Variants in LIAT1 observed in about 807,000 individuals in gnomAD.
LIAT1 encodes the protein protein LIAT1.
At chr17:413,320 A>T in the LIAT1 span, 30 of 1,614,114 alleles carry the variant, frequency 1.9e-5, no homozygotes, top group African/African-American at 2.7e-5. Flanking sequence ...TTGCCGAAAT[A>T]GAGAACCTTG....
chr17:413,930 A>G, the LIAT1 span: 3 of 1,613,562 alleles, frequency 1.9e-6, no homozygotes, highest in Admixed American at 1.7e-5. Flanking sequence ...CGAGGCCCTC[A>G]AGGGCTTCCA....
the LIAT1 span, chr17:410,655 A>G: frequency 5.2e-6 from 8 of 1,537,998 alleles, no homozygotes; most frequent in Non-Finnish European, 7.0e-6. Context: ...CGGTAAGAGG[A>G]GCAGCTAGCC....
chr17:411,295 G>A, the LIAT1 span, among the ~76,000 whole-genome samples: 31 of 152,154 alleles, frequency 2.0e-4, no homozygotes, highest in African/African-American at 7.2e-4. Context: ...CTTCATATCA[G>A]TGTAACACCC....
At chr17:411,303 C>G in the LIAT1 span, among the ~76,000 whole-genome samples, 1 of 152,246 alleles carries the variant, frequency 6.6e-6, no homozygotes, top group African/African-American at 2.4e-5. Context: ...CAGTGTAACA[C>G]CCACAGTGAA....
the LIAT1 span, among the ~76,000 whole-genome samples, chr17:412,536 T>C: frequency 6.6e-6 from 1 of 152,148 alleles, no homozygotes; most frequent in East Asian, 1.9e-4. Context: ...TGTAGCATTT[T>C]ATGTGCATGT....
chr17:413,723 G>C, the LIAT1 span: 1 of 1,588,712 alleles, frequency 6.3e-7, no homozygotes, highest in South Asian at 1.1e-5. Flanking sequence ...GGCCCTCAAG[G>C]GCTTCCACCC....
At chr17:412,596 C>T in the LIAT1 span, among the ~76,000 whole-genome samples, 6 of 152,168 alleles carry the variant, frequency 3.9e-5, no homozygotes, top group Admixed American at 2.6e-4. Flanking sequence ...TCAGTACAAG[C>T]CATACAGCAG....
At chr17:413,278 T>C in the LIAT1 span, 1 of 1,614,198 alleles carries the variant, frequency 6.2e-7, no homozygotes, top group Non-Finnish European at 8.5e-7. Flanking sequence ...AGCACCTCCC[T>C]TCTGACTCCT....
chr17:413,255 A>G, the LIAT1 span: 1 of 1,614,234 alleles, frequency 6.2e-7, no homozygotes, highest in Non-Finnish European at 8.5e-7. Context: ...CAGACAGAGC[A>G]AAGTGGAAAA....
At chr17:414,527 C>A in the LIAT1 span, 1 of 174,688 alleles carries the variant, frequency 5.7e-6, no homozygotes, top group Non-Finnish European at 1.2e-5. The surrounding 1 kb of genome is among the most constrained non-coding windows in gnomAD (Gnocchi z 4.1). Flanking sequence ...CTCTTGGAGC[C>A]TTTTTCTGTT....
chr17:412,140 C>G, the LIAT1 span, among the ~76,000 whole-genome samples: 4 of 152,222 alleles, frequency 2.6e-5, no homozygotes, highest in East Asian at 7.7e-4. Context: ...TCAAGACCAG[C>G]CTGGCCAACA....
chr17:414,232 A>G, the LIAT1 span: 1 of 1,288,010 alleles, frequency 7.8e-7, no homozygotes, highest in Non-Finnish European at 1.1e-6. The surrounding 1 kb of genome is among the most constrained non-coding windows in gnomAD (Gnocchi z 4.1). Flanking sequence ...GATGTTCGGT[A>G]CACGGACGAC....
the LIAT1 span, chr17:410,356 G>A: frequency 1.3e-6 from 2 of 1,498,500 alleles, no homozygotes; most frequent in Non-Finnish European, 1.8e-6. Context: ...GAGACGCGTG[G>A]CCCTGGCCTG....
chr17:412,681 A>G, the LIAT1 span, among the ~76,000 whole-genome samples: 6 of 152,150 alleles, frequency 3.9e-5, no homozygotes, highest in Non-Finnish European at 8.8e-5. Context: ...CGTTCCTTCC[A>G]TCATAAAGTG....
chr17:412,053 A>G, the LIAT1 span, among the ~76,000 whole-genome samples: 2 of 152,232 alleles, frequency 1.3e-5, no homozygotes, highest in Non-Finnish European at 2.9e-5. Context: ...AAGGCAAGAA[A>G]ATTCTGCAGT....
At chr17:414,239 C>G in the LIAT1 span, 1 of 1,219,004 alleles carries the variant, frequency 8.2e-7, no homozygotes, top group Non-Finnish European at 1.1e-6. This position sits in a 1 kb window ranked among gnomAD's most constrained non-coding sequence, Gnocchi z 4.1. Flanking sequence ...GGTACACGGA[C>G]GACGCCGACT....
chr17:414,252 C>A, the LIAT1 span: 3 of 1,109,862 alleles, frequency 2.7e-6, no homozygotes, highest in Non-Finnish European at 3.9e-6. The surrounding 1 kb of genome is among the most constrained non-coding windows in gnomAD (Gnocchi z 4.1). Context: ...CGCCGACTCT[C>A]CCATCACCAA....
chr17:413,182 G>A, the LIAT1 span: 153 of 1,613,980 alleles, frequency 9.5e-5, 1 homozygote, highest in Non-Finnish European at 1.2e-4. Flanking sequence ...AGAGCCAGCC[G>A]CTTTCTTCCT....
At chr17:411,206 G>A in the LIAT1 span, among the ~76,000 whole-genome samples, 3 of 152,320 alleles carry the variant, frequency 2.0e-5, no homozygotes, top group Admixed American at 2.0e-4. Context: ...CCAAGGGGCA[G>A]CCTTGGACTG....
Sources: allele counts gnomAD v4.1 joint callset (sites outside exome capture counted in the v4.1 genomes callset), GRCh38; gene constraint gnomAD v4.1.1; non-coding constraint Gnocchi (gnomAD v3.1); transcripts MANE v1.5; gene names NCBI Gene and HGNC (gene_info 2026-07-23, HGNC 2026-07-21).